Variants in GRM4 observed in about 807,000 individuals in gnomAD.
The protein encoded by GRM4 is glutamate metabotropic receptor 4.
In GRM4, 28 loss-of-function variants were observed where a neutral mutation model predicts 81.7. The ratio of observed to expected loss-of-function variants is 0.34; its 90% CI spans 0.25 to 0.47. The LOEUF (loss-of-function observed/expected upper bound fraction) is 0.47, where lower values mean the gene tolerates loss of function less well. GRM4 is among the 20% of genes least tolerant of loss of function. The pLI is 1.00. For missense variants in GRM4, 948 were observed against 1,290.0 expected, an observed-to-expected ratio of 0.73 and a Z score of 4.06; for synonymous variants, 488 against 528.8, an observed-to-expected ratio of 0.92 and a Z score of 1.06.
chr6:34,069,971 G>C lies in GRM4; in HGVS notation c.737-7943C>G, dbSNP rs886787901. Among the ~76,000 whole-genome samples, 1 of 152,176 alleles carries C rather than the reference G, an allele frequency of 6.6e-6. No homozygotes were observed. Among genetic ancestry groups the C allele is most frequent in the Non-Finnish European group, 1.5e-5 (1 of 68,026 alleles). ...TGGGGCCTTACAGAGCCCAGGACAC[G>C]TGCGGGGCCTGCCCAGGACGGCGGT... On this transcript the variant is annotated intron_variant, in intron 3 of 10. Coordinates refer to ENST00000538487, the MANE Select transcript of GRM4 (RefSeq NM_000841.4). The surrounding 1 kb of genome is among the most constrained non-coding windows in gnomAD (Gnocchi z 6.4).
intron 1 of GRM4, among the ~76,000 whole-genome samples, chr6:34,134,485 A>G (rs1259544612): frequency 1.3e-5 from 2 of 152,142 alleles, no homozygotes; most frequent in Admixed American, 1.3e-4. Flanking sequence ...CTGAAGGCCA[A>G]GGGAAGGCCA....
chr6:34,106,181 GAGGCAGGTGGATCACCTGAGGTTA>G (rs1482078178), intron 2 of GRM4, among the ~76,000 whole-genome samples: 1 of 152,094 alleles, frequency 6.6e-6, no homozygotes, highest in African/African-American at 2.4e-5. Flanking sequence ...TTGGGAGGCC[GAGGCAGGTGGATCACCTGAGGTTA>G]GGAGTTTGAG....
chr6:34,123,871 T>G (rs1769914240), intron 2 of GRM4, among the ~76,000 whole-genome samples: 1 of 152,084 alleles, frequency 6.6e-6, no homozygotes, highest in Admixed American at 6.5e-5. Context: ...TTCCTCTCTC[T>G]GGTCTCCAGC....
intron 3 of GRM4, among the ~76,000 whole-genome samples, chr6:34,076,237 T>C (rs905680420): frequency 6.6e-6 from 1 of 152,222 alleles, no homozygotes; most frequent in East Asian, 1.9e-4. Context: ...GCCAAGCATG[T>C]CTCCCTGCCA....
chr6:34,155,583 T>C (rs1483441735), exon 1 of GRM4: 1 of 473,202 alleles, frequency 2.1e-6, no homozygotes, highest in Non-Finnish European at 3.7e-6. Context: ...TGGTCTTGAA[T>C]TCCTGGGCTC....
chr6:34,122,541 T>C (rs1330214649), intron 2 of GRM4, among the ~76,000 whole-genome samples: 1 of 149,034 alleles, frequency 6.7e-6, no homozygotes, highest in Non-Finnish European at 1.5e-5. Context: ...ATTTCCAACA[T>C]GTCTGGGTCA....
chr6:34,057,057 T>A (rs80035097), intron 5 of GRM4, among the ~76,000 whole-genome samples: 3,234 of 152,206 alleles, frequency 0.021, 69 homozygotes, highest in African/African-American at 0.055. Context: ...GGGGAGCACC[T>A]GAAGAGGAGA....
chr6:34,023,040 T>G (rs1355912343), intron 10 of GRM4, among the ~76,000 whole-genome samples, 170 bp from the exon 11 acceptor site: 1 of 152,236 alleles, frequency 6.6e-6, no homozygotes, highest in African/African-American at 2.4e-5. Context: ...CGGCCCCGCC[T>G]GGCCCACCCG....
chr6:34,129,017 G>A (rs1770134778), intron 2 of GRM4, among the ~76,000 whole-genome samples: 1 of 131,904 alleles, frequency 7.6e-6, no homozygotes, highest in Non-Finnish European at 1.7e-5. Context: ...TTCAGGAAAA[G>A]GTATTTTTTT....
At chr6:34,095,014 C>T (rs1262376614) in intron 2 of GRM4, among the ~76,000 whole-genome samples, 1 of 152,190 alleles carries the variant, frequency 6.6e-6, no homozygotes, top group Non-Finnish European at 1.5e-5. Flanking sequence ...AGACCCTGGC[C>T]CAAATCCAGA....
rs141369587 is a variant in GRM4 at position 34,062,105 on chromosome 6, G to A, written c.737-77C>T. 3.4e-4 allele frequency: 502 copies of A among 1,476,710 alleles called. 5 individuals are homozygous for A. The African/African-American group carries it at 5.4e-3, about 16-fold the overall frequency. The allele number at this position is 1,476,710 out of a possible 1,614,324, so 91.5% of individuals were successfully genotyped here. ...CCACCACTCTCCCAACATACACTCC[G>A]GGAGATGGGGGCTGGGTGCTGCCCA... is the stretch of plus-strand genomic sequence containing the variant. On this transcript the variant is annotated intron_variant, in intron 3 of 10. Transcript: ENST00000538487.
chr6:34,058,055 G>A (rs1015980906), intron 5 of GRM4, among the ~76,000 whole-genome samples: 1 of 152,182 alleles, frequency 6.6e-6, no homozygotes, highest in Non-Finnish European at 1.5e-5. Flanking sequence ...CCGGGGCTGG[G>A]CAGAGGTGGT....
chr6:34,096,432 G>A (rs1561810109), intron 2 of GRM4, among the ~76,000 whole-genome samples: 1 of 152,148 alleles, frequency 6.6e-6, no homozygotes, highest in Non-Finnish European at 1.5e-5. Context: ...AGCACTGAAT[G>A]CGGCTGCCCC....
Position 34,019,284 on chromosome 6 carries a change from C to T in GRM4, c.*3537G>A, listed in dbSNP as rs1005502935. The T allele has an allele frequency of 5.3e-5, 8 of 152,306 alleles. No homozygotes were observed. The highest frequency in any genetic ancestry group is 1.9e-4 in the African/African-American group (8 of 41,456). 9.4% of individuals were successfully genotyped at this position (152,306 alleles called of 1,614,324 possible). On this transcript the variant is annotated 3_prime_UTR_variant, in exon 11 of 11. Coordinates refer to ENST00000538487, the MANE Select transcript of GRM4 (RefSeq NM_000841.4). ...GGGTCTCCCCAGGGTCCTAGGAGTTCCACAAAGGTGCCCTGTGCATCCAGC... is the reference window on the plus strand; with the variant it reads ...GGGTCTCCCCAGGGTCCTAGGAGTTTCACAAAGGTGCCCTGTGCATCCAGC...
chr6:34,092,163 TTCCCCTACACACCAACCTCCCTTTGG>T lies in GRM4; in HGVS notation c.520-90_520-65del. 1.8e-6 allele frequency: 2 copies of T among 1,124,866 alleles called. No individual in the cohort carries two copies. The highest frequency in any genetic ancestry group is 2.6e-6 in the Non-Finnish European group (2 of 760,226). The allele number at this position is 1,124,866 out of a possible 1,614,324, so 69.7% of individuals were successfully genotyped here. On this transcript the variant is annotated intron_variant, in intron 2 of 10. Transcript: ENST00000538487. The surrounding 1 kb of genome is among the most constrained non-coding windows in gnomAD (Gnocchi z 6.8). ...TCCCCACCCTGCCTAGCCAGCCCCA[TTCCCCTACACACCAACCTCCCTTTGG>T]TCCCCACAGCCTTGGGACCACCACA...
upstream of GRM4, among the ~76,000 whole-genome samples, chr6:34,150,742 G>A (rs1561840865): frequency 6.6e-6 from 1 of 152,224 alleles, no homozygotes; most frequent in Non-Finnish European, 1.5e-5. Context: ...GAAAGGAAAA[G>A]CAGAGGAAGC....
chr6:34,105,109 A>C (rs1467822782), intron 2 of GRM4, among the ~76,000 whole-genome samples: 1 of 152,182 alleles, frequency 6.6e-6, no homozygotes, highest in African/African-American at 2.4e-5. Flanking sequence ...AATATATTGC[A>C]CTATATTAAT....
In GRM4 at chr6:34,136,759, C is replaced by T. The variant is rs1770475486; in HGVS notation, c.-363-2900G>A. On this transcript the variant is annotated intron_variant, in intron 1 of 10. Transcript: ENST00000538487. This position sits in a 1 kb window ranked among gnomAD's most constrained non-coding sequence, Gnocchi z 4.1. The stretch of plus-strand genomic sequence containing the variant: ...TGGGTCCCAGCCCCTGCCCACAGGT[C>T]CCTATCCACCCCTCAGTCCCACCAG... Among the ~76,000 whole-genome samples, 2 of 152,172 alleles carry T rather than the reference C, an allele frequency of 1.3e-5. No individual in the cohort carries two copies. The highest frequency in any genetic ancestry group is 4.8e-5 in the African/African-American group (2 of 41,442).
Position 34,069,647 on chromosome 6 carries a change from AGTGT to A in GRM4, c.737-7623_737-7620del, listed in dbSNP as rs3222082. ...GGCTTTACAACCCTTGGCAGCCCCC[AGTGT>A]GTGTGTGTGTGTGTGTGTGTGTGTG... is the stretch of plus-strand genomic sequence containing the variant. On this transcript the variant is annotated intron_variant, in intron 3 of 10. Coordinates refer to ENST00000538487, the MANE Select transcript of GRM4 (RefSeq NM_000841.4). This position sits in a 1 kb window ranked among gnomAD's most constrained non-coding sequence, Gnocchi z 6.4. Among the ~76,000 whole-genome samples the A allele has an allele frequency of 4.0e-3, 575 of 144,396 alleles. 2 individuals carry two copies. The highest frequency in any genetic ancestry group is 0.014 in the Middle Eastern group (4 of 288). 94.7% of individuals were successfully genotyped at this position (144,396 alleles called of 152,430 possible). A position where few individuals can be genotyped will look rare whatever the true frequency, so the allele number is the denominator to read the frequency against.
Sources: allele counts gnomAD v4.1 joint callset (sites outside exome capture counted in the v4.1 genomes callset), GRCh38; gene constraint gnomAD v4.1.1; non-coding constraint Gnocchi (gnomAD v3.1); transcripts MANE v1.5; gene names NCBI Gene and HGNC (gene_info 2026-07-23, HGNC 2026-07-21).